Variants in LMNTD1 observed in about 807,000 individuals in gnomAD.
LMNTD1 encodes the protein lamin tail domain containing 1.
A neutral mutation model predicts 50.9 loss-of-function variants in LMNTD1; 35 were observed. The observed-to-expected ratio is 0.69, with a 90% CI of 0.53 to 0.91. The LOEUF (loss-of-function observed/expected upper bound fraction) is 0.91. LMNTD1 is among the 40% of genes least tolerant of loss of function. The pLI, the probability that LMNTD1 is intolerant of heterozygous loss-of-function variation, is 0.00. For synonymous variants in LMNTD1, 153 were observed against 161.9 expected, an observed-to-expected ratio of 0.94 and a Z score of 0.42; for missense variants, 470 against 475.5, an observed-to-expected ratio of 0.99 and a Z score of 0.11.
At chr12:25,646,547 G>A (rs879821232) in intron 1 of LMNTD1, among the ~76,000 whole-genome samples, 1 of 152,088 alleles carries the variant, frequency 6.6e-6, no homozygotes, top group Non-Finnish European at 1.5e-5. Context: ...TGGGTCAAGA[G>A]GGGTGATGTC....
At chr12:25,581,220 A>G (rs1235867963) in intron 1 of LMNTD1, among the ~76,000 whole-genome samples, 1 of 152,192 alleles carries the variant, frequency 6.6e-6, no homozygotes, top group Non-Finnish European at 1.5e-5. Context: ...GTTATATACT[A>G]GGGATAAGCT....
upstream of LMNTD1, among the ~76,000 whole-genome samples, chr12:25,554,793 G>A (rs370717488): frequency 7.9e-5 from 12 of 152,198 alleles, no homozygotes; most frequent in Non-Finnish European, 1.8e-4. Flanking sequence ...GCCAGGCACA[G>A]TGGTTCCCAC....
intron 1 of LMNTD1, among the ~76,000 whole-genome samples, chr12:25,563,658 A>G (rs1441038324): frequency 6.6e-6 from 1 of 151,946 alleles, no homozygotes; most frequent in Non-Finnish European, 1.5e-5. Flanking sequence ...GAGAACCACT[A>G]CTCTCTTAAA....
intron 4 of LMNTD1, among the ~76,000 whole-genome samples, chr12:25,528,388 G>T (rs1403415426): frequency 6.6e-6 from 1 of 152,128 alleles, no homozygotes; most frequent in Admixed American, 6.6e-5. Flanking sequence ...AAATAGGTTT[G>T]ACCTAACCAT....
At chr12:25,537,663 C>T (rs936577282) in intron 4 of LMNTD1, among the ~76,000 whole-genome samples, 34 of 151,926 alleles carry the variant, frequency 2.2e-4, no homozygotes, top group Non-Finnish European at 3.5e-4. Flanking sequence ...AAAATCAGAG[C>T]GCCTCTCCTC....
intron 9 of LMNTD1, among the ~76,000 whole-genome samples, chr12:25,487,060 G>C (rs929771314): frequency 6.7e-6 from 1 of 149,846 alleles, no homozygotes; most frequent in African/African-American, 2.5e-5. Flanking sequence ...CCAAGTATGT[G>C]GTCAATTTTG....
intron 1 of LMNTD1, among the ~76,000 whole-genome samples, chr12:25,558,883 G>A (rs948987218): frequency 3.3e-5 from 5 of 152,022 alleles, no homozygotes; most frequent in Non-Finnish European, 7.4e-5. Flanking sequence ...ACAATTCAAG[G>A]TGAGATTTGG....
chr12:25,507,958 C>T (rs1664220595), intron 8 of LMNTD1, among the ~76,000 whole-genome samples: 1 of 151,766 alleles, frequency 6.6e-6, no homozygotes, highest in Non-Finnish European at 1.5e-5. Flanking sequence ...GACTGTTTTT[C>T]TCTTACACTG....
chr12:25,616,497 T>C (rs1946356582), intron 1 of LMNTD1, among the ~76,000 whole-genome samples: 1 of 152,088 alleles, frequency 6.6e-6, no homozygotes, highest in Non-Finnish European at 1.5e-5. Flanking sequence ...ATTATGGAAA[T>C]GAAGACAAGA....
At chr12:25,619,372 AG>A (rs916564829) in intron 1 of LMNTD1, among the ~76,000 whole-genome samples, 3 of 152,104 alleles carry the variant, frequency 2.0e-5, no homozygotes, top group Non-Finnish European at 2.9e-5. Flanking sequence ...AAAATGTAAA[AG>A]TTCTATACGC....
intron 1 of LMNTD1, among the ~76,000 whole-genome samples, chr12:25,639,163 C>T (rs1946898820): frequency 6.6e-6 from 1 of 152,028 alleles, no homozygotes; most frequent in Non-Finnish European, 1.5e-5. Context: ...CAAAAATTAC[C>T]TCAAAATGGA....
intron 9 of LMNTD1, among the ~76,000 whole-genome samples, chr12:25,495,929 T>C (rs1939047999): frequency 6.6e-6 from 1 of 152,156 alleles, no homozygotes; most frequent in South Asian, 2.1e-4. Context: ...TATACCACAT[T>C]TTTGGCTACT....
At chr12:25,544,163 T>C (rs1363531346) in intron 4 of LMNTD1, among the ~76,000 whole-genome samples, 1 of 151,910 alleles carries the variant, frequency 6.6e-6, no homozygotes, top group Non-Finnish European at 1.5e-5. Context: ...TTACTGAGAA[T>C]AGGATGTTAA....
intron 4 of LMNTD1, among the ~76,000 whole-genome samples, chr12:25,535,604 G>T (rs1277202392): frequency 6.6e-6 from 1 of 151,816 alleles, no homozygotes; most frequent in Non-Finnish European, 1.5e-5. Context: ...AAAAATGAAA[G>T]AAAATTTATT....
At chr12:25,573,650 C>G (rs879318390) in intron 1 of LMNTD1, among the ~76,000 whole-genome samples, 1 of 152,122 alleles carries the variant, frequency 6.6e-6, no homozygotes, top group Non-Finnish European at 1.5e-5. Context: ...TCACTAGGAG[C>G]AGAATTGGAA....
rs554405552 is a variant in LMNTD1 at position 25,587,984 on chromosome 12, T to C, written c.59-41430A>G. On this transcript the variant is annotated intron_variant, in intron 1 of 7. Coordinates refer to the LMNTD1 transcript ENST00000445693. ...GGCACCATGGTCTTGGGCAGCAAATTTGTTTAGTTATAACTTGTCAAGCTG... is the reference window on the plus strand; with the variant it reads ...GGCACCATGGTCTTGGGCAGCAAATCTGTTTAGTTATAACTTGTCAAGCTG... Among the ~76,000 whole-genome samples, 270 of 152,310 alleles carry C rather than the reference T, an allele frequency of 1.8e-3. 4 individuals carry two copies. The highest frequency in any genetic ancestry group is 0.014 in the Middle Eastern group (4 of 294).
chr12:25,504,351 C>G (rs572338522), intron 8 of LMNTD1, among the ~76,000 whole-genome samples: 1 of 152,260 alleles, frequency 6.6e-6, no homozygotes, highest in Non-Finnish European at 1.5e-5. Flanking sequence ...GATATGGTGG[C>G]CTTCCTTACT....
chr12:25,596,923 G>A (rs1402351728), intron 1 of LMNTD1, among the ~76,000 whole-genome samples: 1 of 22,266 alleles, frequency 4.5e-5, no homozygotes, highest in African/African-American at 5.0e-5. Context: ...CATAGTTAAG[G>A]CACAGAGTCT....
chr12:25,509,915 C>T (rs1031734719), intron 8 of LMNTD1, among the ~76,000 whole-genome samples: 13 of 152,164 alleles, frequency 8.5e-5, no homozygotes, highest in African/African-American at 2.4e-4. Flanking sequence ...ATGGCCTTGC[C>T]AACACCTTGC....
Sources: allele counts gnomAD v4.1 joint callset (sites outside exome capture counted in the v4.1 genomes callset), GRCh38; gene constraint gnomAD v4.1.1; transcripts MANE v1.5; gene names NCBI Gene and HGNC (gene_info 2026-07-23, HGNC 2026-07-21).